The following TNS3 variants were observed in gnomAD, a reference collection of about 807,000 sequenced individuals.
The protein encoded by TNS3 is tensin 3.
A neutral mutation model predicts 140.9 loss-of-function variants in TNS3; 45 were observed. That is an observed-to-expected ratio of 0.32 (90% CI 0.25 to 0.41). The LOEUF (loss-of-function observed/expected upper bound fraction) is 0.41, where lower values mean the gene tolerates loss of function less well. Ranked by LOEUF, TNS3 falls within the 10% of genes least tolerant of loss-of-function variation. The pLI is 1.00. For missense variants in TNS3, 1,716 were observed against 1,906.7 expected, an observed-to-expected ratio of 0.90 and a Z score of 1.86; for synonymous variants, 815 against 788.4, an observed-to-expected ratio of 1.03 and a Z score of -0.56.
At chr7:47,482,257 T>C (rs2964954) in intron 3 of TNS3, among the ~76,000 whole-genome samples, 150,601 of 152,334 alleles carry the variant, frequency 0.99, 74,472 homozygotes, top group East Asian at 1. Context: ...GGCGGCGTAA[T>C]CTTGGCTTTT....
At chr7:47,305,953 T>A (rs941325726) in intron 20 of TNS3, among the ~76,000 whole-genome samples, 2 of 152,308 alleles carry the variant, frequency 1.3e-5, no homozygotes, top group East Asian at 3.9e-4. Context: ...GGAGAGGGTA[T>A]TGAAATTTAG....
At chr7:47,335,251 A>C (rs1456981105) in intron 20 of TNS3, among the ~76,000 whole-genome samples, 1 of 152,108 alleles carries the variant, frequency 6.6e-6, no homozygotes, top group East Asian at 1.9e-4. Flanking sequence ...GCTGCCACTG[A>C]CGCTCCCGCT....
In TNS3 at chr7:47,530,737, C is replaced by T. The variant is rs940734354; in HGVS notation, c.-264-1590G>A. 4.0e-5 allele frequency among the ~76,000 whole-genome samples: 6 copies of T among 148,842 alleles called. No homozygotes were observed. The South Asian group carries it at 8.7e-4, about 21-fold the overall frequency. Reference sequence around the variant, plus strand: ...TACTCGGGAGGCTAAGGCAGGAAATCGCTTGAACCCAGGAGGTGGAGGTTG... The same window carrying T: ...TACTCGGGAGGCTAAGGCAGGAAATTGCTTGAACCCAGGAGGTGGAGGTTG... On this transcript the variant is annotated intron_variant, in intron 1 of 30. Transcript: ENST00000311160.
At chr7:47,392,834 T>C (rs1440687386) in intron 16 of TNS3, among the ~76,000 whole-genome samples, 2 of 152,204 alleles carry the variant, frequency 1.3e-5, no homozygotes, top group East Asian at 3.8e-4. Context: ...GAGTTTTCTA[T>C]CCAAAGGTGA....
chr7:47,504,094 C>A (rs1229348650), intron 3 of TNS3, among the ~76,000 whole-genome samples: 1 of 152,166 alleles, frequency 6.6e-6, no homozygotes, highest in Non-Finnish European at 1.5e-5. Flanking sequence ...GACAAAAAGC[C>A]CCACTGGGAT....
chr7:47,418,040 G>A (rs575855202), intron 10 of TNS3, among the ~76,000 whole-genome samples: 1 of 152,356 alleles, frequency 6.6e-6, no homozygotes, highest in East Asian at 1.9e-4. Flanking sequence ...TATAATCCCA[G>A]CACTCTGGGA....
intron 16 of TNS3, among the ~76,000 whole-genome samples, chr7:47,374,600 G>A (rs1791267668): frequency 6.6e-6 from 1 of 152,198 alleles, no homozygotes. Flanking sequence ...CCTAACAGAG[G>A]TGTGGAAGCA....
At chr7:47,409,656 A>ATTTTTTT (rs1314338489) in intron 13 of TNS3, among the ~76,000 whole-genome samples, 3 of 150,020 alleles carry the variant, frequency 2.0e-5, no homozygotes, top group African/African-American at 7.5e-5. Flanking sequence ...CTCTTGGCCT[A>ATTTTTTT]TTCTTTTTTT....
chr7:47,574,489 T>C (rs1800626882), intron 1 of TNS3, among the ~76,000 whole-genome samples: 1 of 151,708 alleles, frequency 6.6e-6, no homozygotes, highest in East Asian at 1.9e-4. Flanking sequence ...AAAAAGCTTG[T>C]GCTCACCAAA....
At chr7:47,319,415 C>CAG (rs144100178) in intron 20 of TNS3, among the ~76,000 whole-genome samples, 225 of 148,812 alleles carry the variant, frequency 1.5e-3, no homozygotes, top group East Asian at 0.015. Context: ...GAGAGAGAGA[C>CAG]AGAGAGAGAG....
In TNS3 at chr7:47,297,116, C is replaced by T. The variant is rs541020741; in HGVS notation, c.3642G>A (p.Thr1214=). Residue 1214 remains threonine (T), a synonymous_variant, in exon 24 of 31, where the codon ACG becomes ACA. Coordinates refer to ENST00000311160, the MANE Select transcript of TNS3 (RefSeq NM_022748.12). ...TCAGCTGCAGGACTGAAGGTGGGGG[C>T]GTGGCCACCTTCATGGCCAGGCCAT... ...GAYGLAMKVA[T]PPPSVLQLNK... 5 of 1,614,046 alleles carry T rather than the reference C, an allele frequency of 3.1e-6. No homozygotes were observed. The highest frequency in any genetic ancestry group is 2.2e-5 in the East Asian group (1 of 44,870).
At chr7:47,352,296 T>C (rs989293634) in intron 17 of TNS3, among the ~76,000 whole-genome samples, 56 of 152,200 alleles carry the variant, frequency 3.7e-4, no homozygotes, top group Non-Finnish European at 5.9e-4. Flanking sequence ...ACACACATTG[T>C]CACACTCACA....
intron 13 of TNS3, among the ~76,000 whole-genome samples, chr7:47,402,407 G>T (rs1793217060): frequency 6.6e-6 from 1 of 152,188 alleles, no homozygotes; most frequent in Non-Finnish European, 1.5e-5. Flanking sequence ...AACTGGCATT[G>T]TGAAGAAATG....
At chr7:47,301,255 C>T (rs1230422203) in intron 23 of TNS3, among the ~76,000 whole-genome samples, 1 of 152,154 alleles carries the variant, frequency 6.6e-6, no homozygotes, top group Non-Finnish European at 1.5e-5. Context: ...CACCGGGATT[C>T]ACTTTGGTTC....
At position 47,539,755 on chromosome 7, in the gene TNS3, A is replaced by T. The variant is rs540506463; in HGVS notation, c.-264-10608T>A. On this transcript the variant is annotated intron_variant, in intron 1 of 30. Transcript: ENST00000311160. The stretch of plus-strand genomic sequence containing the variant: ...TGGTCATAAGTCTTGTACCTCCAAT[A>T]GGAAGTCCTAACCTTGTCTGGGATT... Among the ~76,000 whole-genome samples, 6 of 152,264 alleles carry T rather than the reference A, an allele frequency of 3.9e-5. 1 individual carries two copies. Among genetic ancestry groups the T allele is most frequent in the African/African-American group, 1.4e-4 (6 of 41,566 alleles).
intron 18 of TNS3, 113 bp downstream of exon 18, chr7:47,346,074 A>G: frequency 1.5e-6 from 2 of 1,364,552 alleles, no homozygotes; most frequent in Non-Finnish European, 2.0e-6. Context: ...TGCGGAGGAT[A>G]ATGTGGGCTG....
Position 47,293,815 on chromosome 7 carries a change from G to A in TNS3, c.3690C>T (p.Ala1230=). Residue 1230 remains alanine, a synonymous_variant, in exon 25 of 31, where the codon GCC becomes GCT. Transcript: ENST00000311160. ...LQLNKKAGDL[A]NELVRHFLIE... is the part of the protein sequence containing the mutation. Reference sequence around the variant, plus strand: ...TCAAAAAGTGCCGGACGAGTTCATTGGCCAAATCTCCAGCTGTGGCAAGAA... The same window carrying A: ...TCAAAAAGTGCCGGACGAGTTCATTAGCCAAATCTCCAGCTGTGGCAAGAA... 6.2e-7 allele frequency: 1 copy of A among 1,614,174 alleles called. No individual in the cohort carries two copies. Among genetic ancestry groups the A allele is most frequent in the Non-Finnish European group, 8.5e-7 (1 of 1,180,022 alleles).
chr7:47,476,498 C>A (rs144651004), intron 4 of TNS3, among the ~76,000 whole-genome samples: 1 of 152,230 alleles, frequency 6.6e-6, no homozygotes, highest in Non-Finnish European at 1.5e-5. Context: ...CAGAAGACCA[C>A]AGCCCATAGA....
At chr7:47,447,685 G>A (rs1013258122) in intron 4 of TNS3, among the ~76,000 whole-genome samples, 1 of 152,100 alleles carries the variant, frequency 6.6e-6, no homozygotes, top group Non-Finnish European at 1.5e-5. Flanking sequence ...CCTCCTGCAG[G>A]GCGCCATCCT....
Sources: gnomAD v4.1 joint callset for allele counts (sites outside exome capture counted in the v4.1 genomes callset) on GRCh38, gnomAD v4.1.1 for gene constraint, MANE v1.5 for transcripts, NCBI Gene and HGNC (gene_info 2026-07-23, HGNC 2026-07-21) for gene names.